The following CAPN12 variants were observed in gnomAD, a reference collection of about 807,000 sequenced individuals.
CAPN12 encodes the protein calpain 12.
CAPN12 carries 107 observed loss-of-function variants against 95.0 expected under a neutral mutation model. That is an observed-to-expected ratio of 1.13 (90% CI 0.96 to 1.32). The LOEUF is 1.32. Ranked by LOEUF, CAPN12 falls within the 40% of genes most tolerant of loss-of-function variation. The pLI is 0.00. For missense variants in CAPN12, 1,136 were observed against 997.8 expected (o/e 1.14, Z -1.87); for synonymous variants, 505 against 415.5 (o/e 1.22, Z -2.62).
At chr19:38,734,229 G>A (rs768574478) in intron 16 of CAPN12, 25 bp from the exon 17 acceptor site, 20 of 1,612,370 alleles carry the variant, frequency 1.2e-5, no homozygotes, top group East Asian at 4.5e-5. Flanking sequence ...GGGGGCATCT[G>A]GTTAAGGTCA....
chr19:38,737,795 G>C (rs1168482844), intron 8 of CAPN12, among the ~76,000 whole-genome samples, 157 bp from the exon 9 acceptor site: 1 of 152,136 alleles, frequency 6.6e-6, no homozygotes. Flanking sequence ...TGGGCCTCTA[G>C]CTCTGCCAAA....
rs1312314473 is a variant in CAPN12, at chr19:38,730,744, C to G, written c.*108G>C. 28 of 1,395,764 alleles carry G rather than the reference C, an allele frequency of 2.0e-5. No homozygotes were observed. The highest frequency in any genetic ancestry group is 3.9e-6 in the Non-Finnish European group (4 of 1,014,736). 86.5% of individuals were successfully genotyped at this position (1,395,764 alleles called of 1,614,324 possible). ...AGCAGTGAGGGCCAGAGACTAGCCC[C>G]AGACAGGTGGATGCCAGAGAGAGTG... On this transcript the variant is annotated 3_prime_UTR_variant, in exon 21 of 21. Coordinates refer to ENST00000328867, the MANE Select transcript of CAPN12 (RefSeq NM_144691.4).
chr19:38,737,893 T>C (rs565780519), intron 8 of CAPN12, among the ~76,000 whole-genome samples: 8 of 151,956 alleles, frequency 5.3e-5, no homozygotes, highest in African/African-American at 1.9e-4. Flanking sequence ...AACCCCCAAA[T>C]AGCAAGACCC....
At position 38,736,964 on chromosome 19, in the gene CAPN12, ACTCCTCCC is replaced by A. The variant is rs66572836; in HGVS notation, c.1362+184_1362+191del. ...CGCCCCCTCTTGGCCCTGCTCCTCC[ACTCCTCCC>A]CTCCTCCCCGATCCTCTTCAGTCCC... On this transcript the variant is annotated intron_variant, in intron 10 of 20. Coordinates refer to ENST00000328867, the MANE Select transcript of CAPN12 (RefSeq NM_144691.4). 71,936 of 100,258 alleles carry A rather than the reference ACTCCTCCC, an allele frequency of 0.72. 25,093 individuals carry two copies. Among genetic ancestry groups the A allele is most frequent in the South Asian group, 0.82 (2,782 of 3,380 alleles). 6.2% of individuals were successfully genotyped at this position (100,258 alleles called of 1,614,324 possible). A position where few individuals can be genotyped will look rare whatever the true frequency, so the allele number is the denominator to read the frequency against.
chr19:38,742,416 G>C lies in CAPN12; in HGVS notation c.420C>G (p.His140Gln). 6.2e-7 allele frequency: 1 copy of C among 1,611,498 alleles called. No individual in the cohort carries two copies. The highest frequency in any genetic ancestry group is 1.7e-5 in the Admixed American group (1 of 60,008). ...DFQHGYAGVF[H>Q]FQLWQFGRWM... ...CAGAGGAACTGAGCTGTACCTGGAA[G>C]TGGAAGACGCCTGCGTAGCCATGCT... The change falls in exon 3 of 21, where the codon CAC becomes CAG. Residue 140 changes from histidine (H) to glutamine (Q), a missense_variant. His to Gln is a conservative substitution (Grantham distance 24, BLOSUM62 0). Coordinates refer to ENST00000328867, the MANE Select transcript of CAPN12 (RefSeq NM_144691.4).
In CAPN12 at chr19:38,737,785, T is replaced by C. The variant is rs550363727; in HGVS notation, c.966-147A>G. 114 of 1,114,330 alleles carry C rather than the reference T, an allele frequency of 1.0e-4. No individual in the cohort carries two copies. The African/African-American group carries it at 1.7e-3, about 17-fold the overall frequency. The allele number at this position is 1,114,330 out of a possible 1,614,324, so 69.0% of individuals were successfully genotyped here. ...GCTCCAGAAATGAACCCCAAATGCCTGGGCCTCTAGCTCTGCCAAATTCCT... is the reference window on the plus strand; with the variant it reads ...GCTCCAGAAATGAACCCCAAATGCCCGGGCCTCTAGCTCTGCCAAATTCCT... On this transcript the variant is annotated intron_variant, in intron 8 of 20. Transcript: ENST00000328867.
At chr19:38,732,008 G>C (rs1035325820) in intron 18 of CAPN12, among the ~76,000 whole-genome samples, 3 of 152,268 alleles carry the variant, frequency 2.0e-5, no homozygotes, top group African/African-American at 7.2e-5. Flanking sequence ...GCCATGCCCA[G>C]GGCTATGGGG....
chr19:38,735,532 G>T lies in CAPN12; in HGVS notation c.1596C>A (p.Asp532Glu), dbSNP rs141011501. Reference protein sequence around the residue: ...ERRHTAVEIDDVISADLQSLQ... With the variant: ...ERRHTAVEIDEVISADLQSLQ... ...GAGACTGCAGGTCTGCGCTGATCAC[G>T]TCGTCGATCTCCCTGCAAATTACAG... Residue 532 changes from aspartate to glutamate, a missense_variant, in exon 13 of 21, where the codon GAC (aspartate) becomes GAA (glutamate). Coordinates refer to ENST00000328867, the MANE Select transcript of CAPN12 (RefSeq NM_144691.4). The T allele has an allele frequency of 6.2e-7, 1 of 1,610,338 alleles. No individual in the cohort carries two copies. The highest frequency in any genetic ancestry group is 1.3e-5 in the African/African-American group (1 of 74,202).
chr19:38,738,051 T>G (rs1970321315), intron 8 of CAPN12, among the ~76,000 whole-genome samples: 1 of 151,718 alleles, frequency 6.6e-6, no homozygotes, highest in Admixed American at 6.6e-5. Flanking sequence ...GCCTTCAAAT[T>G]CCCCTCATAT....
In CAPN12 at chr19:38,737,590, G is replaced by A; in HGVS notation, c.1014C>T (p.Cys338=). The change falls in exon 9 of 21, where the codon TGC becomes TGT. Residue 338 remains cysteine (C), a synonymous_variant. Coordinates refer to ENST00000328867, the MANE Select transcript of CAPN12 (RefSeq NM_144691.4). ...FLLHFDTVQI[C]SLSPEVLGPS... The stretch of plus-strand genomic sequence containing the variant: ...GGCCCAGCACCTCCGGGCTCAGCGA[G>A]CAGATCTGCACGGTGTCGAAATGGA... The A allele has an allele frequency of 1.2e-6, 2 of 1,612,032 alleles. No individual in the cohort carries two copies. The highest frequency in any genetic ancestry group is 2.2e-5 in the South Asian group (2 of 90,984).
At position 38,740,323 on chromosome 19, in the gene CAPN12, A is replaced by G; in HGVS notation, c.561-104T>C. Reference sequence around the variant, plus strand: ...CTGTGTCTCAGGGTGTGGAATCCCCAGGGGAAATTCCTGAAGTTTTGAGAC... The same window carrying G: ...CTGTGTCTCAGGGTGTGGAATCCCCGGGGGAAATTCCTGAAGTTTTGAGAC... On this transcript the variant is annotated intron_variant, in intron 4 of 20. Transcript: ENST00000328867. 3 of 1,227,450 alleles carry G rather than the reference A, an allele frequency of 2.4e-6. No homozygotes were observed. The East Asian group carries it at 7.9e-5, about 32-fold the overall frequency. The allele number at this position is 1,227,450 out of a possible 1,614,324, so 76.0% of individuals were successfully genotyped here. A position where few individuals can be genotyped will look rare whatever the true frequency, so the allele number is the denominator to read the frequency against.
chr19:38,733,410 C>T lies in CAPN12; in HGVS notation c.1957+293G>A, dbSNP rs1041860206. ...CCTGGGGGCCAGACCCTCTCAGATA[C>T]CAGCTCCTAATCTTCCCCTTCCTGG... On this transcript the variant is annotated intron_variant, in intron 18 of 20. Coordinates refer to ENST00000328867, the MANE Select transcript of CAPN12 (RefSeq NM_144691.4). 3.4e-4 allele frequency: 143 copies of T among 417,122 alleles called. 2 individuals are homozygous for T. In the East Asian group the frequency reaches 4.7e-3, roughly 14 times the overall value. 25.8% of individuals were successfully genotyped at this position (417,122 alleles called of 1,614,324 possible). A position where few individuals can be genotyped will look rare whatever the true frequency, so the allele number is the denominator to read the frequency against.
chr19:38,741,733 T>C, intron 4 of CAPN12, 44 bp downstream of exon 4: 2 of 1,608,444 alleles, frequency 1.2e-6, no homozygotes, highest in Non-Finnish European at 1.7e-6. Flanking sequence ...TGATGCCTGC[T>C]GTGGGGACTT....
chr19:38,736,905 C>T (rs1970219063), intron 10 of CAPN12: 2 of 473,594 alleles, frequency 4.2e-6, no homozygotes, highest in Non-Finnish European at 7.6e-6. Context: ...CCTGGCCCCC[C>T]AGCCCTACTA....
rs1287073829 is a variant in CAPN12, at chr19:38,737,597, T to C, written c.1007A>G (p.Gln336Arg). 1.9e-6 allele frequency: 3 copies of C among 1,611,170 alleles called. No individual in the cohort carries two copies. The highest frequency in any genetic ancestry group is 2.2e-5 in the South Asian group (2 of 90,924). The change falls in exon 9 of 21, where the codon CAG becomes CGG. Residue 336 changes from glutamine (Q) to arginine (R), a missense_variant. Physicochemically the swap from Gln to Arg is conservative, Grantham distance 43. Coordinates refer to ENST00000328867, the MANE Select transcript of CAPN12 (RefSeq NM_144691.4). ...CACCTCCGGGCTCAGCGAGCAGATCTGCACGGTGTCGAAATGGAGGAGGAA... is the reference window on the plus strand; with the variant it reads ...CACCTCCGGGCTCAGCGAGCAGATCCGCACGGTGTCGAAATGGAGGAGGAA... ...RDFLLHFDTVQICSLSPEVLG... is the reference protein window; with the variant it reads ...RDFLLHFDTVRICSLSPEVLG...
chr19:38,742,178 T>C, intron 3 of CAPN12: 2 of 615,396 alleles, frequency 3.2e-6, no homozygotes, highest in East Asian at 2.8e-5. Flanking sequence ...AAGAAAAAAT[T>C]AGCTGGGCAT....
In CAPN12 at chr19:38,737,220, C is replaced by A; in HGVS notation, c.1298G>T (p.Arg433Leu). 1 of 1,551,188 alleles carries A rather than the reference C, an allele frequency of 6.4e-7. No individual in the cohort carries two copies. Among genetic ancestry groups the A allele is most frequent in the Non-Finnish European group, 8.7e-7 (1 of 1,148,444 alleles). Residue 433 changes from arginine to leucine, a missense_variant, in exon 10 of 21, where the codon CGC (arginine) becomes CTC (leucine). Physicochemically the swap from Arg to Leu is moderately radical, Grantham distance 102. Coordinates refer to ENST00000328867, the MANE Select transcript of CAPN12 (RefSeq NM_144691.4). ...CTTGGCTCTCAGGCGCCGCCGGTTG[C>A]GCTGGATGAGGGACAGAAGGACCGT... ...KCTVLLSLIQ[R>L]NRRRLRAKGL...
At chr19:38,736,772 C>T in intron 10 of CAPN12, 1 of 634,686 alleles carries the variant, frequency 1.6e-6, no homozygotes, top group Non-Finnish European at 2.7e-6. Context: ...CCAGCGCCTT[C>T]TCTGTATCCT....
At chr19:38,740,296 G>A (rs925788203) in intron 4 of CAPN12, 77 bp from the exon 5 acceptor site, 2 of 1,389,890 alleles carry the variant, frequency 1.4e-6, no homozygotes, top group African/African-American at 2.9e-5. Flanking sequence ...ATCTGCAGGG[G>A]CCTGTGTCTC....
Sources: allele counts gnomAD v4.1 joint callset (sites outside exome capture counted in the v4.1 genomes callset), GRCh38; gene constraint gnomAD v4.1.1; transcripts MANE v1.5; gene names NCBI Gene and HGNC (gene_info 2026-07-23, HGNC 2026-07-21).